Variants in PRKN observed in about 807,000 individuals in gnomAD.
PRKN encodes parkin RBR E3 ubiquitin protein ligase.
In PRKN, 56 loss-of-function variants were observed where a neutral mutation model predicts 59.5. That is an observed-to-expected ratio of 0.94 (90% CI 0.76 to 1.18). PRKN has a LOEUF of 1.18. PRKN is among the 50% of genes most tolerant of loss of function. The probability of loss-of-function intolerance (pLI) is 0.00; values close to 1 mark genes in which losing one functional copy is unlikely to be tolerated. For missense variants in PRKN, 657 were observed against 596.4 expected (o/e 1.10, Z -1.06); for synonymous variants, 250 against 222.1 (o/e 1.13, Z -1.12).
At chr6:162,129,739 G>A (rs1406359632) in intron 4 of PRKN, among the ~76,000 whole-genome samples, 1 of 152,016 alleles carries the variant, frequency 6.6e-6, no homozygotes, top group Admixed American at 6.6e-5. Flanking sequence ...AACTGCATAA[G>A]GTTATTTATA....
intron 1 of PRKN, among the ~76,000 whole-genome samples, chr6:162,471,186 C>T (rs1483835501): frequency 3.3e-5 from 5 of 152,052 alleles, no homozygotes; most frequent in African/African-American, 1.2e-4. Flanking sequence ...CAACATCCAC[C>T]TCCCGGGTTC....
At chr6:161,985,449 A>G (rs964513440) in intron 5 of PRKN, among the ~76,000 whole-genome samples, 90 of 152,296 alleles carry the variant, frequency 5.9e-4, no homozygotes, top group African/African-American at 2.1e-3. Context: ...GACCTCCAGG[A>G]GAGGACATAT....
intron 6 of PRKN, among the ~76,000 whole-genome samples, chr6:161,801,697 C>T (rs779894183): frequency 6.6e-6 from 1 of 152,122 alleles, no homozygotes; most frequent in Non-Finnish European, 1.5e-5. Flanking sequence ...TTCCATCTCA[C>T]ACCTCACTGG....
chr6:161,511,987 C>G (rs1461137547), intron 9 of PRKN, among the ~76,000 whole-genome samples: 1 of 152,338 alleles, frequency 6.6e-6, no homozygotes, highest in East Asian at 1.9e-4. Context: ...TTCCCCCTAA[C>G]ACAGACACAC....
chr6:162,024,938 T>C (rs1783364908), intron 5 of PRKN, among the ~76,000 whole-genome samples: 1 of 152,120 alleles, frequency 6.6e-6, no homozygotes, highest in African/African-American at 2.4e-5. Context: ...TTTTATATTA[T>C]GAAACATTTA....
At chr6:161,778,018 G>A (rs1465034262) in intron 7 of PRKN, among the ~76,000 whole-genome samples, 6 of 151,396 alleles carry the variant, frequency 4.0e-5, no homozygotes, top group African/African-American at 1.5e-4. Flanking sequence ...CCTAGGCTAA[G>A]GAGACACTAA....
At chr6:162,120,447 G>A (rs1780863480) in intron 4 of PRKN, among the ~76,000 whole-genome samples, 1 of 152,160 alleles carries the variant, frequency 6.6e-6, no homozygotes, top group Non-Finnish European at 1.5e-5. Context: ...GGACAACCAT[G>A]AGCTGGAGTA....
At chr6:161,655,644 C>T (rs1019309241) in intron 7 of PRKN, among the ~76,000 whole-genome samples, 1 of 152,166 alleles carries the variant, frequency 6.6e-6, no homozygotes, top group African/African-American at 2.4e-5. Context: ...AACGACAATA[C>T]TGGAATCAAC....
intron 6 of PRKN, among the ~76,000 whole-genome samples, chr6:161,806,529 T>C (rs977442403): frequency 7.9e-5 from 12 of 152,142 alleles, no homozygotes; most frequent in Non-Finnish European, 1.8e-4. Flanking sequence ...TCAGACCCTA[T>C]GTGGCTATGA....
In PRKN at chr6:161,714,107, G is replaced by A. The variant is rs79022682; in HGVS notation, c.871+71665C>T. ...CAACGTGAGAACGACGGATACACACGGTGATTCACAGTGGCTTGATCTGAG... is the reference window on the plus strand; with the variant it reads ...CAACGTGAGAACGACGGATACACACAGTGATTCACAGTGGCTTGATCTGAG... On this transcript the variant is annotated intron_variant, in intron 7 of 11. Transcript: ENST00000366898. 3.2e-4 allele frequency among the ~76,000 whole-genome samples: 48 copies of A among 152,218 alleles called. No individual in the cohort carries two copies. In the East Asian group the frequency reaches 7.5e-3, roughly 24 times the overall value.
At chr6:161,866,365 G>A (rs1283293098) in intron 6 of PRKN, among the ~76,000 whole-genome samples, 2 of 152,146 alleles carry the variant, frequency 1.3e-5, no homozygotes, top group East Asian at 3.9e-4. Context: ...CACGAGGTCA[G>A]GAGATTGAGA....
rs900904943 is a variant in PRKN at position 161,587,641 on chromosome 6, T to TA, written c.872-18226dup. Among the ~76,000 whole-genome samples, 77 of 151,094 alleles carry TA rather than the reference T, an allele frequency of 5.1e-4. 1 individual carries two copies. The highest frequency in any genetic ancestry group is 2.1e-3 in the South Asian group (10 of 4,770). On this transcript the variant is annotated intron_variant, in intron 7 of 11. Coordinates refer to ENST00000366898, the MANE Select transcript of PRKN (RefSeq NM_004562.3). ...ATGAGTTTCATTCCTGCTTTTTTTT[T>TA]AAAAAAAAACTTTTATTTCTATAAG... is the stretch of plus-strand genomic sequence containing the variant.
Position 162,177,210 on chromosome 6 carries a change from T to C in PRKN, c.534+23921A>G, listed in dbSNP as rs550222460. On this transcript the variant is annotated intron_variant, in intron 4 of 11. Coordinates refer to ENST00000366898, the MANE Select transcript of PRKN (RefSeq NM_004562.3). ...GCCATTGCAGCAGAGCATAGAATAT[T>C]ATGCAGTCATAAAAAATTTTTAAAA... 1.6e-4 allele frequency among the ~76,000 whole-genome samples: 25 copies of C among 152,212 alleles called. No individual in the cohort carries two copies. In the South Asian group the frequency reaches 5.0e-3, roughly 30 times the overall value.
chr6:162,324,754 A>C (rs920258427), intron 2 of PRKN, among the ~76,000 whole-genome samples: 5 of 152,150 alleles, frequency 3.3e-5, no homozygotes, highest in Non-Finnish European at 4.4e-5. Flanking sequence ...GTATATGTGT[A>C]CGTATCTATG....
intron 9 of PRKN, among the ~76,000 whole-genome samples, chr6:161,515,327 G>A (rs1778548833): frequency 6.6e-6 from 1 of 152,134 alleles, no homozygotes; most frequent in Non-Finnish European, 1.5e-5. Flanking sequence ...TATTAACCTG[G>A]TTAAGTTTTC....
At chr6:162,476,057 C>CTCTT (rs1791997052) in intron 1 of PRKN, among the ~76,000 whole-genome samples, 1 of 113,022 alleles carries the variant, frequency 8.8e-6, no homozygotes, top group Non-Finnish European at 1.7e-5. Flanking sequence ...TAACACCACT[C>CTCTT]TTTTTTTTTT....
rs1562354578 is a variant in PRKN at position 161,874,264 on chromosome 6, A to ATATATAT, written c.735-88357_735-88356insATATATA. Among the ~76,000 whole-genome samples, 3 of 10,668 alleles carry ATATATAT rather than the reference A, an allele frequency of 2.8e-4. 1 individual carries two copies. Among genetic ancestry groups the ATATATAT allele is most frequent in the Non-Finnish European group, 5.5e-4 (3 of 5,492 alleles). 7.0% of individuals were successfully genotyped at this position (10,668 alleles called of 152,430 possible). Reference sequence around the variant, plus strand: ...TAATATATAATATATATTATATGTAAAATATATAATATATATTATATATTA... The same window carrying ATATATAT: ...TAATATATAATATATATTATATGTAATATATATAATATATAATATATATTATATATTA... On this transcript the variant is annotated intron_variant, in intron 6 of 11. Transcript: ENST00000366898.
intron 6 of PRKN, among the ~76,000 whole-genome samples, chr6:161,837,696 G>C (rs1341646882): frequency 6.6e-6 from 1 of 152,138 alleles, no homozygotes; most frequent in African/African-American, 2.4e-5. Flanking sequence ...ATAAGGGACT[G>C]AGGGTGAGGG....
chr6:162,324,658 T>A (rs1481271635), intron 2 of PRKN, among the ~76,000 whole-genome samples: 1 of 152,006 alleles, frequency 6.6e-6, no homozygotes, highest in Admixed American at 6.6e-5. Context: ...ACACACACTA[T>A]AAACTCTAGT....
Sources: gnomAD v4.1 joint callset for allele counts (sites outside exome capture counted in the v4.1 genomes callset) on GRCh38, gnomAD v4.1.1 for gene constraint, MANE v1.5 for transcripts, NCBI Gene and HGNC (gene_info 2026-07-23, HGNC 2026-07-21) for gene names.